Variants in SPOCK1 observed in about 807,000 individuals in gnomAD.
SPOCK1 encodes the protein SPARC (osteonectin), cwcv and kazal like domains proteoglycan 1, also known as testican-1.
SPOCK1 carries 23 observed loss-of-function variants against 55.3 expected under a neutral mutation model. The observed-to-expected ratio is 0.42, with a 90% CI of 0.30 to 0.59. The LOEUF (loss-of-function observed/expected upper bound fraction) is 0.59, where lower values mean the gene tolerates loss of function less well. Ranked by LOEUF, SPOCK1 falls within the 20% of genes least tolerant of loss-of-function variation. The pLI is 0.22. For missense variants in SPOCK1, 499 were observed against 552.5 expected (o/e 0.90, Z 0.97); for synonymous variants, 226 against 221.0 (o/e 1.02, Z -0.20).
chr5:137,409,165 C>T (rs1752160148), intron 2 of SPOCK1, among the ~76,000 whole-genome samples: 1 of 152,166 alleles, frequency 6.6e-6, no homozygotes, highest in South Asian at 2.1e-4. Context: ...AAGATATGGT[C>T]CCCACCTCCC....
chr5:137,268,810 T>G (rs979386959), intron 2 of SPOCK1, among the ~76,000 whole-genome samples: 1 of 152,352 alleles, frequency 6.6e-6, no homozygotes, highest in African/African-American at 2.4e-5. Flanking sequence ...ATAATGGCAA[T>G]GTGAAATCTT....
At chr5:137,459,552 C>T (rs1490515714) in intron 2 of SPOCK1, among the ~76,000 whole-genome samples, 2 of 151,562 alleles carry the variant, frequency 1.3e-5, no homozygotes, top group African/African-American at 4.9e-5. Context: ...ACCGGAACAC[C>T]AAGAAATTTA....
chr5:137,279,322 T>A (rs928818582), intron 2 of SPOCK1, among the ~76,000 whole-genome samples: 3 of 152,286 alleles, frequency 2.0e-5, no homozygotes, highest in Middle Eastern at 6.8e-3. Flanking sequence ...AAGCATAACA[T>A]GACCTGGTAA....
At chr5:137,439,428 G>T (rs1418936825) in intron 2 of SPOCK1, among the ~76,000 whole-genome samples, 1 of 152,138 alleles carries the variant, frequency 6.6e-6, no homozygotes, top group African/African-American at 2.4e-5. Context: ...GTCCCAAAAG[G>T]CTGAAAAGCT....
intron 2 of SPOCK1, among the ~76,000 whole-genome samples, chr5:137,441,029 T>A (rs569896874): frequency 1.3e-5 from 2 of 152,332 alleles, no homozygotes; most frequent in South Asian, 4.1e-4. Flanking sequence ...TTTCTCATAA[T>A]GACAACTAAT....
chr5:137,186,273 T>C (rs1240680882), intron 3 of SPOCK1, among the ~76,000 whole-genome samples: 1 of 152,262 alleles, frequency 6.6e-6, no homozygotes, highest in East Asian at 1.9e-4. Context: ...GATCAGTACA[T>C]GATCACAGAG....
At chr5:136,987,194 T>C (rs1181879647) in intron 8 of SPOCK1, among the ~76,000 whole-genome samples, 1 of 152,086 alleles carries the variant, frequency 6.6e-6, no homozygotes, top group Non-Finnish European at 1.5e-5. Flanking sequence ...CTTTCTAAGC[T>C]TTATGGCTTC....
chr5:137,014,284 C>T (rs768599043), intron 6 of SPOCK1, among the ~76,000 whole-genome samples: 9 of 152,188 alleles, frequency 5.9e-5, no homozygotes, highest in South Asian at 4.1e-4. Flanking sequence ...CTTGCCAGCA[C>T]TATGCTTCCT....
chr5:137,102,823 A>G (rs1019301803), intron 5 of SPOCK1, among the ~76,000 whole-genome samples: 1 of 152,336 alleles, frequency 6.6e-6, no homozygotes, highest in African/African-American at 2.4e-5. Flanking sequence ...ATGAAATAAT[A>G]CAGAAAGTAA....
intron 4 of SPOCK1, among the ~76,000 whole-genome samples, chr5:137,118,750 C>A (rs1753637077): frequency 6.6e-6 from 1 of 152,162 alleles, no homozygotes; most frequent in Non-Finnish European, 1.5e-5. Context: ...GAATTGCTGA[C>A]TTTTTCTTTC....
At chr5:137,378,528 G>A (rs1355869600) in intron 2 of SPOCK1, among the ~76,000 whole-genome samples, 4 of 152,218 alleles carry the variant, frequency 2.6e-5, no homozygotes, top group South Asian at 2.1e-4. Context: ...AGCTAGATAC[G>A]CTAATGAACC....
intron 2 of SPOCK1, among the ~76,000 whole-genome samples, chr5:137,395,296 G>A (rs1751818949): frequency 3.3e-5 from 5 of 152,174 alleles, no homozygotes; most frequent in Admixed American, 3.3e-4. Flanking sequence ...TGTCAGGTGT[G>A]CCAAAGTAAT....
intron 2 of SPOCK1, among the ~76,000 whole-genome samples, chr5:137,410,291 G>A (rs1189669923): frequency 6.6e-6 from 1 of 152,178 alleles, no homozygotes; most frequent in Non-Finnish European, 1.5e-5. Flanking sequence ...GCCTGTTAGT[G>A]TTTAAAAGGA....
intron 5 of SPOCK1, among the ~76,000 whole-genome samples, chr5:137,085,853 C>T (rs573082968): frequency 6.6e-6 from 1 of 152,280 alleles, no homozygotes; most frequent in East Asian, 1.9e-4. Flanking sequence ...TTTACCTCCT[C>T]ACCCAAGGCA....
At chr5:137,025,939 C>T (rs1316133673) in intron 6 of SPOCK1, among the ~76,000 whole-genome samples, 1 of 152,142 alleles carries the variant, frequency 6.6e-6, no homozygotes, top group Non-Finnish European at 1.5e-5. Context: ...GTATTAACCC[C>T]ACTCAGGAAT....
chr5:137,142,751 C>A (rs1487743836), intron 3 of SPOCK1, among the ~76,000 whole-genome samples: 1 of 152,208 alleles, frequency 6.6e-6, no homozygotes, highest in Non-Finnish European at 1.5e-5. Context: ...CTTCCAGAAA[C>A]TTGCAGCAAG....
chr5:137,425,804 A>G (rs1381754742), intron 2 of SPOCK1, among the ~76,000 whole-genome samples: 3 of 152,236 alleles, frequency 2.0e-5, no homozygotes, highest in Admixed American at 6.5e-5. Context: ...TAAAAGAGTC[A>G]CACTATATTA....
chr5:136,998,245 C>A (rs1363952121), intron 6 of SPOCK1, among the ~76,000 whole-genome samples: 1 of 152,160 alleles, frequency 6.6e-6, no homozygotes, highest in Admixed American at 6.5e-5. Flanking sequence ...ATACATGGGT[C>A]AGTAGAAGTC....
At chr5:137,045,202 C>T (rs1170258360) in intron 6 of SPOCK1, among the ~76,000 whole-genome samples, 11 of 147,208 alleles carry the variant, frequency 7.5e-5, no homozygotes, top group African/African-American at 2.6e-4. Context: ...AGTTCTAGAT[C>T]CCTGAGGAAT....
Sources: allele counts gnomAD v4.1 joint callset (sites outside exome capture counted in the v4.1 genomes callset), GRCh38; gene constraint gnomAD v4.1.1; transcripts MANE v1.5; gene names NCBI Gene and HGNC (gene_info 2026-07-23, HGNC 2026-07-21).